THADA: variants seen among roughly 807,000 people sequenced by gnomAD.
THADA encodes tRNA (32-2'-O)-methyltransferase regulator THADA.
Under a neutral mutation model 219.8 loss-of-function variants are expected in THADA, and 213 were observed. The ratio of observed to expected loss-of-function variants is 0.97; its 90% CI spans 0.87 to 1.09. The LOEUF is 1.09. THADA is among the 50% of genes least tolerant of loss of function. The pLI, the probability that THADA is intolerant of heterozygous loss-of-function variation, is 0.00. For missense variants in THADA, 2,956 were observed against 2,311.3 expected, an observed-to-expected ratio of 1.28 and a Z score of -5.72; for synonymous variants, 1,018 against 828.9, an observed-to-expected ratio of 1.23 and a Z score of -3.92.
intron 14 of THADA, among the ~76,000 whole-genome samples, chr2:43,568,469 G>A (rs1457288990): frequency 6.6e-6 from 1 of 151,990 alleles, no homozygotes; most frequent in Non-Finnish European, 1.5e-5. Flanking sequence ...GTACCAGTAG[G>A]GAAAAAGTAC....
chr2:43,586,810 G>T, intron 5 of THADA, 44 bp downstream of exon 5: 3 of 1,612,188 alleles, frequency 1.9e-6, no homozygotes, highest in South Asian at 1.1e-5. Flanking sequence ...ATGATGTGAT[G>T]AGAGGGGTTA....
intron 11 of THADA, among the ~76,000 whole-genome samples, chr2:43,574,018 A>C (rs76067470): frequency 0.027 from 4,029 of 150,694 alleles, 116 homozygotes; most frequent in African/African-American, 0.077. Flanking sequence ...ACATTATATA[A>C]GACACACAAA....
intron 29 of THADA, among the ~76,000 whole-genome samples, chr2:43,382,743 A>G (rs1303356306): frequency 6.6e-6 from 1 of 152,230 alleles, no homozygotes; most frequent in African/African-American, 2.4e-5. Flanking sequence ...GAAATAAGAC[A>G]AATTCACATA....
chr2:43,574,262 T>G (rs1000864861), intron 11 of THADA, 74 bp downstream of exon 11: 55 of 973,206 alleles, frequency 5.7e-5, no homozygotes, highest in Non-Finnish European at 7.9e-5. Context: ...TTGAATATGA[T>G]TAGTATCTGC....
At chr2:43,507,940 A>G (rs1240861763) in intron 23 of THADA, among the ~76,000 whole-genome samples, 1 of 152,240 alleles carries the variant, frequency 6.6e-6, no homozygotes, top group Non-Finnish European at 1.5e-5. Context: ...AAGAGCAAGC[A>G]GTGTGTATGT....
At chr2:43,433,068 C>T (rs978505274) in intron 26 of THADA, among the ~76,000 whole-genome samples, 6 of 152,062 alleles carry the variant, frequency 3.9e-5, no homozygotes, top group Non-Finnish European at 7.4e-5. Context: ...GTATATCTTC[C>T]TCTAGAAGCT....
At chr2:43,303,845 C>G (rs997371960) in intron 31 of THADA, among the ~76,000 whole-genome samples, 7 of 152,120 alleles carry the variant, frequency 4.6e-5, no homozygotes, top group African/African-American at 1.7e-4. Flanking sequence ...CGGCGGTTCT[C>G]AAACTTTAGC....
intron 30 of THADA, among the ~76,000 whole-genome samples, chr2:43,329,748 T>C (rs907492082): frequency 2.0e-5 from 3 of 152,142 alleles, no homozygotes; most frequent in Non-Finnish European, 2.9e-5. Flanking sequence ...AGTGAGACAT[T>C]GGGCCAAGCA....
chr2:43,397,485 T>C (rs189141890), intron 29 of THADA, among the ~76,000 whole-genome samples: 1 of 152,170 alleles, frequency 6.6e-6, no homozygotes, highest in Non-Finnish European at 1.5e-5. Context: ...AAGTTTTTTT[T>C]GGTAGCACAG....
At chr2:43,277,057 A>T (rs924144241) in intron 36 of THADA, among the ~76,000 whole-genome samples, 1 of 151,844 alleles carries the variant, frequency 6.6e-6, no homozygotes, top group African/African-American at 2.4e-5. Flanking sequence ...TGTTGCTGCC[A>T]GCCCCCAGCT....
chr2:43,591,460 C>G (rs1034929476), intron 3 of THADA, among the ~76,000 whole-genome samples: 12 of 152,006 alleles, frequency 7.9e-5, no homozygotes, highest in African/African-American at 2.9e-4. Flanking sequence ...CTTTACCCTC[C>G]AGACCCACCT....
At chr2:43,361,229 G>C (rs62137419) in intron 29 of THADA, among the ~76,000 whole-genome samples, 11,765 of 152,230 alleles carry the variant, frequency 0.077, 599 homozygotes, top group South Asian at 0.18. Flanking sequence ...GACATAGCTG[G>C]TAGCCTTAGA....
intron 26 of THADA, among the ~76,000 whole-genome samples, chr2:43,434,106 A>G (rs1012628192): frequency 3.9e-5 from 6 of 152,250 alleles, no homozygotes; most frequent in South Asian, 2.1e-4. Flanking sequence ...AAAAAAAACC[A>G]TAACACTCAT....
At chr2:43,591,004 G>A (rs1300771293) in intron 3 of THADA, 50 bp from the exon 4 acceptor site, 2 of 1,549,350 alleles carry the variant, frequency 1.3e-6, no homozygotes, top group Admixed American at 1.7e-5. Flanking sequence ...ATATAGCAAA[G>A]TAACATGGTT....
chr2:43,428,719 A>C (rs1305506730), intron 27 of THADA, among the ~76,000 whole-genome samples: 2 of 152,108 alleles, frequency 1.3e-5, no homozygotes, highest in African/African-American at 4.8e-5. Context: ...CATAAGAAAA[A>C]ACTACTAGCA....
chr2:43,544,707 AT>A (rs1389359223), intron 20 of THADA, among the ~76,000 whole-genome samples: 1 of 151,234 alleles, frequency 6.6e-6, no homozygotes, highest in Non-Finnish European at 1.5e-5. Context: ...AATGCTTGTG[AT>A]TTTTGTACAT....
intron 35 of THADA, among the ~76,000 whole-genome samples, chr2:43,286,663 T>G (rs1674050639): frequency 6.6e-6 from 1 of 152,024 alleles, no homozygotes; most frequent in African/African-American, 2.4e-5. Flanking sequence ...AGGTGGAGGT[T>G]GCACTAAGCC....
chr2:43,447,462 A>G (rs1681724040), intron 26 of THADA, among the ~76,000 whole-genome samples: 1 of 152,236 alleles, frequency 6.6e-6, no homozygotes, highest in South Asian at 2.1e-4. Context: ...TCTTAATCAC[A>G]TCTACAAAGA....
At chr2:43,579,080 T>A (rs1700145845) in intron 8 of THADA, among the ~76,000 whole-genome samples, 1 of 152,162 alleles carries the variant, frequency 6.6e-6, no homozygotes, top group South Asian at 2.1e-4. Flanking sequence ...TCCGCCTGCC[T>A]CGGCCTCCCA....
Sources: gnomAD v4.1 joint callset for allele counts (sites outside exome capture counted in the v4.1 genomes callset) on GRCh38, gnomAD v4.1.1 for gene constraint, MANE v1.5 for transcripts, NCBI Gene and HGNC (gene_info 2026-07-23, HGNC 2026-07-21) for gene names.